Variants in NFIL3 observed in about 807,000 individuals in gnomAD.
The protein encoded by NFIL3 is nuclear factor, interleukin 3 regulated.
In NFIL3, 5 loss-of-function variants were observed where a neutral mutation model predicts 10.0. The observed-to-expected ratio is 0.50, with a 90% CI of 0.26 to 1.06. The LOEUF (loss-of-function observed/expected upper bound fraction) is 1.06, where lower values mean the gene tolerates loss of function less well. Ranked by LOEUF, NFIL3 falls within the 50% of genes least tolerant of loss-of-function variation. The pLI, the probability that NFIL3 is intolerant of heterozygous loss-of-function variation, is 0.13. For synonymous variants in NFIL3, 202 were observed against 206.5 expected (o/e 0.98, Z 0.19); for missense variants, 436 against 547.6 (o/e 0.80, Z 2.03).
upstream of NFIL3, among the ~76,000 whole-genome samples, chr9:91,428,697 GA>G (rs1833894615): frequency 6.6e-6 from 1 of 152,196 alleles, no homozygotes; most frequent in Non-Finnish European, 1.5e-5. Flanking sequence ...GAATACATTT[GA>G]AAGCATTTCC....
chr9:91,447,014 C>A, the NFIL3 span, among the ~76,000 whole-genome samples: 1 of 152,190 alleles, frequency 6.6e-6, no homozygotes, highest in Non-Finnish European at 1.5e-5. Flanking sequence ...CGGGGTTTCA[C>A]CATGTTGGCC....
At chr9:91,419,539 C>A (rs1366960230) in intron 1 of NFIL3, among the ~76,000 whole-genome samples, 4 of 152,204 alleles carry the variant, frequency 2.6e-5, no homozygotes, top group Non-Finnish European at 5.9e-5. Flanking sequence ...TCAAAAACTA[C>A]AGTGAGTGTG....
At chr9:91,475,636 C>CA in the NFIL3 span, among the ~76,000 whole-genome samples, 1 of 151,950 alleles carries the variant, frequency 6.6e-6, no homozygotes, top group Non-Finnish European at 1.5e-5. Context: ...TAAAATATTG[C>CA]AAAATGAATA....
the NFIL3 span, among the ~76,000 whole-genome samples, chr9:91,471,316 C>A: frequency 7.3e-5 from 11 of 151,196 alleles, no homozygotes; most frequent in African/African-American, 2.7e-4. Context: ...TCTGTTTTAT[C>A]AGAGACTAGG....
At chr9:91,447,351 T>A in the NFIL3 span, among the ~76,000 whole-genome samples, 1 of 152,328 alleles carries the variant, frequency 6.6e-6, no homozygotes, top group South Asian at 2.1e-4. Context: ...AGATTGCTAG[T>A]AGTGGAATTG....
chr9:91,421,148 G>A (rs905431815), intron 1 of NFIL3, among the ~76,000 whole-genome samples: 2 of 151,944 alleles, frequency 1.3e-5, no homozygotes, highest in South Asian at 2.1e-4. Context: ...GCGGAGTCAG[G>A]CCCCTGGATT....
At chr9:91,424,993 T>G (rs1409293047), upstream of NFIL3, among the ~76,000 whole-genome samples, 1 of 152,188 alleles carries the variant, frequency 6.6e-6, no homozygotes, top group African/African-American at 2.4e-5. Flanking sequence ...CGTGGCACAC[T>G]CCCTGCGTTT....
intron 1 of NFIL3, among the ~76,000 whole-genome samples, chr9:91,414,254 A>T (rs1301325255): frequency 6.6e-6 from 1 of 152,178 alleles, no homozygotes; most frequent in Non-Finnish European, 1.5e-5. Flanking sequence ...CCCAGGCTGG[A>T]GTGCAATGGT....
At chr9:91,444,582 G>C in the NFIL3 span, among the ~76,000 whole-genome samples, 7 of 152,166 alleles carry the variant, frequency 4.6e-5, no homozygotes, top group Non-Finnish European at 8.8e-5. Flanking sequence ...AGTGGCTTTT[G>C]TTGGGAAAGA....
chr9:91,477,253 CCT>C, the NFIL3 span, among the ~76,000 whole-genome samples: 1 of 152,158 alleles, frequency 6.6e-6, no homozygotes, highest in African/African-American at 2.4e-5. Flanking sequence ...AGCTGAGCTC[CCT>C]GTTTCCTTGA....
At chr9:91,424,014 C>A (rs1334146840), upstream of NFIL3, among the ~76,000 whole-genome samples, 4 of 148,826 alleles carry the variant, frequency 2.7e-5, no homozygotes, top group Non-Finnish European at 4.5e-5. Context: ...CTCAGCTCCC[C>A]CTCCGCGGCG....
At chr9:91,424,337 G>C (rs151016904), upstream of NFIL3, among the ~76,000 whole-genome samples, 5,999 of 152,276 alleles carry the variant, frequency 0.039, 208 homozygotes, top group South Asian at 0.098. Context: ...AGCACTGCGG[G>C]TTGCGGCTAC....
chr9:91,460,271 C>CCTTTTTTTTTTTTT, the NFIL3 span, among the ~76,000 whole-genome samples: 1 of 70,444 alleles, frequency 1.4e-5, no homozygotes, highest in South Asian at 5.2e-4. Context: ...GGGCTTGGTT[C>CCTTTTTTTTTTTTT]TTTTTTTTTT....
At chr9:91,454,561 G>T in the NFIL3 span, among the ~76,000 whole-genome samples, 4 of 152,178 alleles carry the variant, frequency 2.6e-5, no homozygotes, top group African/African-American at 9.7e-5. Context: ...GCTGGGCACA[G>T]TGGCTCATGC....
chr9:91,445,540 T>A, the NFIL3 span, among the ~76,000 whole-genome samples: 1 of 151,932 alleles, frequency 6.6e-6, no homozygotes, highest in East Asian at 1.9e-4. Flanking sequence ...CAGCCAAGGG[T>A]AAGTTTCCCT....
In NFIL3 at chr9:91,409,556, G is replaced by C. The variant is rs1302325057; in HGVS notation, c.1179C>G (p.Leu393=). Residue 393 remains leucine (L), a synonymous_variant, in exon 2 of 2, where the codon CTC becomes CTG. Transcript: ENST00000297689. ...VQVTNIQDWS[L]KSEHWHQKEL... ...CTTTTTGATGCCAGTGCTCCGATTT[G>C]AGAGACCAATCTTGAATGTTAGTCA... The C allele has an allele frequency of 5.0e-6, 8 of 1,613,908 alleles. No homozygotes were observed. Among genetic ancestry groups the C allele is most frequent in the Non-Finnish European group, 6.8e-6 (8 of 1,179,976 alleles).
the NFIL3 span, among the ~76,000 whole-genome samples, chr9:91,442,597 C>T: frequency 4.0e-4 from 61 of 152,288 alleles, no homozygotes; most frequent in African/African-American, 1.4e-3. Flanking sequence ...TCATTGTGCA[C>T]AGCCAGGCAT....
At chr9:91,449,418 G>C in the NFIL3 span, among the ~76,000 whole-genome samples, 1 of 152,100 alleles carries the variant, frequency 6.6e-6, no homozygotes, top group Non-Finnish European at 1.5e-5. Context: ...TCATAAAAAA[G>C]ATATTGGATT....
chr9:91,459,100 T>G, the NFIL3 span, among the ~76,000 whole-genome samples: 1 of 152,216 alleles, frequency 6.6e-6, no homozygotes, highest in African/African-American at 2.4e-5. Context: ...CCATGTGGGC[T>G]GTTAGTCTGA....
Sources: allele counts gnomAD v4.1 joint callset (sites outside exome capture counted in the v4.1 genomes callset), GRCh38; gene constraint gnomAD v4.1.1; transcripts MANE v1.5; gene names NCBI Gene and HGNC (gene_info 2026-07-23, HGNC 2026-07-21).